FNDC3B: variants seen among roughly 807,000 people sequenced by gnomAD.
FNDC3B encodes fibronectin type III domain-containing protein 3B.
In FNDC3B, 12 loss-of-function variants were observed where a neutral mutation model predicts 151.5. The observed-to-expected ratio is 0.08, with a 90% CI of 0.05 to 0.13. FNDC3B has a LOEUF of 0.13. FNDC3B is among the 10% of genes least tolerant of loss of function. FNDC3B has a pLI of 1.00. For synonymous variants in FNDC3B, 528 were observed against 549.0 expected (o/e 0.96, Z 0.54); for missense variants, 1,214 against 1,505.3 (o/e 0.81, Z 3.20).
rs1023980394 is a variant in FNDC3B at position 172,319,193 on chromosome 3, G to A, written c.1254+8312G>A. Among the ~76,000 whole-genome samples the A allele has an allele frequency of 4.6e-5, 7 of 152,142 alleles. No individual in the cohort carries two copies. In the South Asian group the frequency reaches 8.3e-4, roughly 18 times the overall value. On this transcript the variant is annotated intron_variant, in intron 11 of 25. Transcript: ENST00000415807. ...CTCGCCTTTGTCATGGCTTCTCATC[G>A]TGAGCTGGAAGAAGACTGCCTTGGG...
chr3:172,280,778 A>G (rs1274745802), intron 6 of FNDC3B, among the ~76,000 whole-genome samples: 3 of 152,242 alleles, frequency 2.0e-5, no homozygotes, highest in Non-Finnish European at 2.9e-5. Flanking sequence ...CTTAACAGTT[A>G]TTCAAACAGT....
At chr3:172,049,445 T>C (rs1190932782) in intron 1 of FNDC3B, among the ~76,000 whole-genome samples, 4 of 152,238 alleles carry the variant, frequency 2.6e-5, no homozygotes, top group Admixed American at 1.3e-4. Flanking sequence ...TAATCTATCC[T>C]GAATAGCACA....
chr3:172,243,303 G>C (rs967138958), intron 4 of FNDC3B, among the ~76,000 whole-genome samples: 1 of 152,120 alleles, frequency 6.6e-6, no homozygotes, highest in African/African-American at 2.4e-5. Flanking sequence ...CACTCTTCTT[G>C]GACCAATTTA....
chr3:172,063,748 C>G (rs1717345239), intron 1 of FNDC3B, among the ~76,000 whole-genome samples: 1 of 152,160 alleles, frequency 6.6e-6, no homozygotes. Flanking sequence ...GTAGGACCAT[C>G]TCTAATGCCT....
chr3:172,263,174 A>G (rs1231181627), intron 6 of FNDC3B, among the ~76,000 whole-genome samples: 3 of 151,748 alleles, frequency 2.0e-5, no homozygotes, highest in African/African-American at 4.8e-5. Context: ...CATGAAAGCA[A>G]CATGAGGAAG....
At chr3:172,366,440 G>A (rs1404972036) in intron 23 of FNDC3B, among the ~76,000 whole-genome samples, 12 of 151,908 alleles carry the variant, frequency 7.9e-5, no homozygotes, top group Admixed American at 7.9e-4. Flanking sequence ...ATATTTTCTA[G>A]AAAGTAGGGT....
intron 1 of FNDC3B, among the ~76,000 whole-genome samples, chr3:172,107,443 GGATTCAT>G: frequency 6.6e-6 from 1 of 152,178 alleles, no homozygotes; most frequent in Admixed American, 6.5e-5. Context: ...TTTCAAGAAT[GGATTCAT>G]GATCACATCT....
At position 172,347,220 on chromosome 3, in the gene FNDC3B, T is replaced by C. The variant is rs369459658; in HGVS notation, c.2373T>C (p.Asp791=). 5.6e-5 allele frequency: 91 copies of C among 1,613,018 alleles called. No homozygotes were observed. Among genetic ancestry groups the C allele is most frequent in the Non-Finnish European group, 7.6e-5 (90 of 1,179,486 alleles). Residue 791 remains aspartate (D), a synonymous_variant, in exon 21 of 26, where the codon GAT becomes GAC. Coordinates refer to ENST00000415807, the MANE Select transcript of FNDC3B (RefSeq NM_022763.4). ...CATTTCTGCCTTTCCAGAGTCCTGA[T>C]AGTTCTGGTGCTGACATCTCAGAGT... ...GCVLVGWESP[D]SSGADISEYR... is the part of the protein sequence containing the mutation.
At chr3:172,306,724 T>C (rs567992189) in intron 9 of FNDC3B, among the ~76,000 whole-genome samples, 29 of 152,322 alleles carry the variant, frequency 1.9e-4, no homozygotes, top group Admixed American at 1.3e-3. Context: ...AGCCAAACAT[T>C]TTAGTGTACA....
intron 3 of FNDC3B, among the ~76,000 whole-genome samples, chr3:172,216,873 T>G (rs537435093): frequency 6.6e-6 from 1 of 152,310 alleles, no homozygotes; most frequent in South Asian, 2.1e-4. Context: ...GATAATTTCT[T>G]GGACCTTTTC....
chr3:172,321,534 TTTTTGTTTTG>T lies in FNDC3B; in HGVS notation c.1255-7402_1255-7393del, dbSNP rs59464072. On this transcript the variant is annotated intron_variant, in intron 11 of 25. Coordinates refer to ENST00000415807, the MANE Select transcript of FNDC3B (RefSeq NM_022763.4). The stretch of plus-strand genomic sequence containing the variant: ...ATGTTACACATTTATTTTGCTTTTG[TTTTTGTTTTG>T]TTTTGTTTTGTTTTGAGACAGGGTC... 5.2e-3 allele frequency: 918 copies of T among 175,910 alleles called. 7 individuals are homozygous for T. Among genetic ancestry groups the T allele is most frequent in the African/African-American group, 0.02 (854 of 42,056 alleles). 10.9% of individuals were successfully genotyped at this position (175,910 alleles called of 1,614,324 possible).
chr3:172,201,402 T>C (rs1323905381), intron 3 of FNDC3B, among the ~76,000 whole-genome samples: 1 of 152,130 alleles, frequency 6.6e-6, no homozygotes, highest in African/African-American at 2.4e-5. Context: ...TTGGACATAT[T>C]AGGGACATGG....
intron 3 of FNDC3B, among the ~76,000 whole-genome samples, chr3:172,179,022 G>A (rs1236277995): frequency 1.3e-5 from 2 of 152,138 alleles, no homozygotes; most frequent in African/African-American, 4.8e-5. Context: ...TTCCATAGAG[G>A]TTAGTAGGCC....
chr3:172,250,778 G>T (rs536871107), intron 5 of FNDC3B, among the ~76,000 whole-genome samples: 4 of 152,132 alleles, frequency 2.6e-5, no homozygotes, highest in Non-Finnish European at 5.9e-5. Flanking sequence ...AGAAACAAAT[G>T]GGAATGCTTT....
chr3:172,295,377 G>A lies in FNDC3B; in HGVS notation c.864G>A (p.Gln288=), dbSNP rs746335098. 2.5e-6 allele frequency: 4 copies of A among 1,610,714 alleles called. No individual in the cohort carries two copies. In the South Asian group the frequency reaches 4.4e-5, roughly 18 times the overall value. ...TTCTTCCTCAGGTTTCTAATATTCA[G>A]GCAAGAGCAGTTGTGTTGTCCTGGG... ...GIEKPQVSNI[Q]ARAVVLSWAP... The change falls in exon 8 of 26, where the codon CAG becomes CAA. Residue 288 remains glutamine (Q), a synonymous_variant. Transcript: ENST00000415807.
intron 25 of FNDC3B, among the ~76,000 whole-genome samples, chr3:172,382,390 T>G (rs1388682671): frequency 2.0e-5 from 3 of 152,236 alleles, no homozygotes; most frequent in Non-Finnish European, 4.4e-5. Context: ...ATGGATAGAT[T>G]GCAAAATTTT....
intron 1 of FNDC3B, among the ~76,000 whole-genome samples, chr3:172,050,724 TGTG>T: frequency 6.7e-6 from 1 of 150,246 alleles, no homozygotes; most frequent in Non-Finnish European, 1.5e-5. Context: ...TGTGTGTGTG[TGTG>T]TGTGTGTATA....
At chr3:172,253,353 C>A (rs573377760) in intron 6 of FNDC3B, among the ~76,000 whole-genome samples, 3 of 152,186 alleles carry the variant, frequency 2.0e-5, no homozygotes, top group Non-Finnish European at 4.4e-5. Context: ...AAAAGGCAAA[C>A]GTGAATCACA....
chr3:172,143,923 A>G (rs1465444930), intron 3 of FNDC3B, among the ~76,000 whole-genome samples: 1 of 146,648 alleles, frequency 6.8e-6, no homozygotes, highest in Non-Finnish European at 1.5e-5. Flanking sequence ...AAATAAATAA[A>G]TAAATAAATA....
Sources: allele counts gnomAD v4.1 joint callset (sites outside exome capture counted in the v4.1 genomes callset), GRCh38; gene constraint gnomAD v4.1.1; transcripts MANE v1.5; gene names NCBI Gene and HGNC (gene_info 2026-07-23, HGNC 2026-07-21).